TTLL8: variants seen among roughly 807,000 people sequenced by gnomAD.
The protein encoded by TTLL8 is protein monoglycylase TTLL8.
TTLL8 carries 65 observed loss-of-function variants against 77.8 expected under a neutral mutation model. That is an observed-to-expected ratio of 0.84 (90% confidence interval 0.68 to 1.03). The LOEUF (loss-of-function observed/expected upper bound fraction) is 1.03, where lower values mean the gene tolerates loss of function less well. TTLL8 is among the 50% of genes least tolerant of loss of function. The pLI, the probability that TTLL8 is intolerant of heterozygous loss-of-function variation, is 0.00. For missense variants in TTLL8, 910 were observed against 1,004.5 expected, an observed-to-expected ratio of 0.91 and a Z score of 1.27; for synonymous variants, 402 against 422.8, an observed-to-expected ratio of 0.95 and a Z score of 0.60.
exon 5 of TTLL8, chr22:50,045,931 C>G (rs374702907): frequency 1.2e-5 from 16 of 1,361,580 alleles, no homozygotes; most frequent in Non-Finnish European, 1.6e-5. Context: ...TTGGCCGGGA[C>G]GTACCAGGGC....
In TTLL8 at chr22:50,020,269, C is replaced by T. The variant is rs78848810; in HGVS notation, c.2204-3707G>A. 3.7e-3 allele frequency among the ~76,000 whole-genome samples: 443 copies of T among 119,994 alleles called. 3 individuals are homozygous for T. The highest frequency in any genetic ancestry group is 0.014 in the African/African-American group (424 of 29,404). 78.7% of individuals were successfully genotyped at this position (119,994 alleles called of 152,430 possible). ...ATCTGACATGCACTCCTCCATCTGA[C>T]GTGCACTCCTCCATCTGATGTGCAC... On this transcript the variant is annotated intron_variant, in intron 12 of 13. Coordinates refer to ENST00000266182, the Ensembl canonical transcript of TTLL8.
intron 12 of TTLL8, among the ~76,000 whole-genome samples, chr22:50,025,510 G>A (rs947349563): frequency 1.8e-4 from 27 of 152,042 alleles, no homozygotes; most frequent in African/African-American, 3.4e-4. Flanking sequence ...ATGGTGGTGC[G>A]TGCCTGTAAT....
intron 3 of TTLL8, among the ~76,000 whole-genome samples, chr22:50,048,749 A>C (rs2061427270): frequency 6.6e-6 from 1 of 152,154 alleles, no homozygotes; most frequent in African/African-American, 2.4e-5. Flanking sequence ...TGATCTTTTA[A>C]ATTTTAAGTA....
chr22:50,023,748 C>T (rs936986649), intron 12 of TTLL8, among the ~76,000 whole-genome samples: 5 of 151,804 alleles, frequency 3.3e-5, no homozygotes, highest in Admixed American at 2.0e-4. Flanking sequence ...AGGCCAGGTG[C>T]GGTGGCTCAC....
chr22:50,021,140 ATGATGTGTACTCCTCCATC>A, intron 12 of TTLL8, among the ~76,000 whole-genome samples: 2 of 137,680 alleles, frequency 1.5e-5, no homozygotes. Context: ...CCTCCATCTG[ATGATGTGTACTCCTCCATC>A]TGATGTGCAC....
rs751349917 is a variant in TTLL8 at position 50,030,498 on chromosome 22, G to A, written c.2135C>T (p.Pro712Leu). Reference sequence around the variant, plus strand: ...CAGGCCCCGCAGCACAGGCTCCAGCGGGTGCGCATTTAGCTGGTTTGGATC... The same window carrying A: ...CAGGCCCCGCAGCACAGGCTCCAGCAGGTGCGCATTTAGCTGGTTTGGATC... The change falls in exon 12 of 14, where the codon CCG becomes CTG. Residue 712 changes from proline to leucine, a missense_variant. Physicochemically the swap from Pro to Leu is moderately conservative, Grantham distance 98. This residue lies in a region of TTLL8 where 134 missense variants were observed against 78.3 expected (regional missense o/e 1.71). Coordinates refer to ENST00000266182, the Ensembl canonical transcript of TTLL8. 3.0e-6 allele frequency: 4 copies of A among 1,344,044 alleles called. No individual in the cohort carries two copies. The African/African-American group carries it at 6.0e-5, about 20-fold the overall frequency. 83.3% of individuals were successfully genotyped at this position (1,344,044 alleles called of 1,614,324 possible).
chr22:50,048,115 A>AGTGTGTGT (rs34500180), intron 3 of TTLL8, among the ~76,000 whole-genome samples: 58 of 145,740 alleles, frequency 4.0e-4, no homozygotes, highest in East Asian at 2.8e-3. Context: ...CCCCCAAAAA[A>AGTGTGTGT]GTGTGTGTGT....
rs532068592 is a variant in TTLL8 at position 50,030,232 on chromosome 22, C to A, written c.2203+198G>T. 5.1e-6 allele frequency: 5 copies of A among 985,340 alleles called. No individual in the cohort carries two copies. In the South Asian group the frequency reaches 2.3e-4, roughly 46 times the overall value. 61.0% of individuals were successfully genotyped at this position (985,340 alleles called of 1,614,324 possible). ...CACTCCCACGCCCCCCACCCCGAGA[C>A]CCCCGTGCCGGGCTGGGACAGGTGC... On this transcript the variant is annotated intron_variant, in intron 12 of 13. Transcript: ENST00000266182.
At chr22:50,036,602 CTTTTT>C (rs763378045) in intron 8 of TTLL8, among the ~76,000 whole-genome samples, 4 of 141,160 alleles carry the variant, frequency 2.8e-5, no homozygotes, top group African/African-American at 1.0e-4. Flanking sequence ...CTTTTCTTTT[CTTTTT>C]TTTTTTTTTT....
At chr22:50,023,952 A>G (rs1017196032) in intron 12 of TTLL8, among the ~76,000 whole-genome samples, 1 of 151,588 alleles carries the variant, frequency 6.6e-6, no homozygotes, top group African/African-American at 2.4e-5. Flanking sequence ...CTCAGGAGGC[A>G]GAGGTTGCAA....
chr22:50,035,174 C>T (rs961338713), intron 8 of TTLL8, among the ~76,000 whole-genome samples: 4 of 152,138 alleles, frequency 2.6e-5, no homozygotes, highest in African/African-American at 9.7e-5. Flanking sequence ...AGCCGTCCTG[C>T]GTGGGCAGAC....
chr22:50,050,943 C>T (rs2061440951), intron 1 of TTLL8, among the ~76,000 whole-genome samples: 1 of 152,178 alleles, frequency 6.6e-6, no homozygotes, highest in Admixed American at 6.5e-5. Flanking sequence ...CACTCCCGGC[C>T]GAATGAAAAC....
chr22:50,057,555 GGTC>G (rs1569237251), upstream of TTLL8, among the ~76,000 whole-genome samples: 9 of 106,392 alleles, frequency 8.5e-5, 1 homozygote, highest in African/African-American at 4.1e-4. Flanking sequence ...CTGGGTTGGG[GGTC>G]AGGTCTGGGT....
chr22:50,055,553 G>C (rs948754790), upstream of TTLL8, among the ~76,000 whole-genome samples: 1 of 151,992 alleles, frequency 6.6e-6, no homozygotes, highest in African/African-American at 2.4e-5. Flanking sequence ...TACTCGGAAG[G>C]CTGAGGCAGG....
At chr22:50,020,201 T>A (rs2061186290) in intron 12 of TTLL8, among the ~76,000 whole-genome samples, 1 of 152,114 alleles carries the variant, frequency 6.6e-6, no homozygotes, top group African/African-American at 2.4e-5. Flanking sequence ...CAACTGACAA[T>A]CATCTAATGA....
At chr22:50,054,480 T>C (rs1161920295) in intron 1 of TTLL8, 1 of 167,850 alleles carries the variant, frequency 6.0e-6, no homozygotes, top group Non-Finnish European at 1.5e-5. Context: ...AGGGCCATAA[T>C]GTTGGGGTTC....
chr22:50,031,043 T>G (rs987163657), intron 11 of TTLL8, 118 bp from the exon 13 acceptor site: 2 of 907,698 alleles, frequency 2.2e-6, no homozygotes, highest in Admixed American at 7.8e-5. Context: ...GACTCAGGAG[T>G]GAACAGTGAA....
At chr22:50,058,138 C>T (rs528559521), upstream of TTLL8, among the ~76,000 whole-genome samples, 1 of 151,956 alleles carries the variant, frequency 6.6e-6, no homozygotes, top group Admixed American at 6.5e-5. This position sits in a 1 kb window ranked among gnomAD's most constrained non-coding sequence, Gnocchi z 4.2. Context: ...GTTCCGCGGT[C>T]GGGGGTCGTG....
rs766227838 is a variant in TTLL8, at chr22:50,044,538, C to G, written c.643+717G>C. ...TTATTTCCTCTGTTTCCACGTTTAC[C>G]TAGAAGGGCTTTTCCCCTCGGTGGA... On this transcript the variant is annotated intron_variant, in intron 6 of 13. Transcript: ENST00000266182. This position sits in a 1 kb window ranked among gnomAD's most constrained non-coding sequence, Gnocchi z 4.2. Among the ~76,000 whole-genome samples, 2 of 152,186 alleles carry G rather than the reference C, an allele frequency of 1.3e-5. No homozygotes were observed. The highest frequency in any genetic ancestry group is 4.8e-5 in the African/African-American group (2 of 41,448).
Sources: gnomAD v4.1 joint callset for allele counts (sites outside exome capture counted in the v4.1 genomes callset) on GRCh38, gnomAD v4.1.1 for gene constraint, gnomAD v4.1.1 regional missense constraint, Gnocchi (gnomAD v3.1) non-coding constraint, MANE v1.5 for transcripts, NCBI Gene and HGNC (gene_info 2026-07-23, HGNC 2026-07-21) for gene names.